Variants in PPFIA2 observed in about 807,000 individuals in gnomAD.
PPFIA2 encodes the protein liprin-alpha-2.
Under a neutral mutation model 175.5 loss-of-function variants are expected in PPFIA2, and 46 were observed. The ratio of observed to expected loss-of-function variants is 0.26; its 90% CI spans 0.21 to 0.34. The LOEUF (loss-of-function observed/expected upper bound fraction) is 0.34, where lower values mean the gene tolerates loss of function less well. Among genes scored for constraint, PPFIA2 ranks in the 10% least tolerant of loss-of-function variants. PPFIA2 has a pLI of 1.00. For synonymous variants in PPFIA2, 568 were observed against 511.4 expected (o/e 1.11, Z -1.49); for missense variants, 1,179 against 1,506.1 (o/e 0.78, Z 3.60).
At chr12:81,399,747 C>T (rs1389848574) in intron 8 of PPFIA2, among the ~76,000 whole-genome samples, 1 of 152,036 alleles carries the variant, frequency 6.6e-6, no homozygotes, top group Non-Finnish European at 1.5e-5. Context: ...TGTTTCACTG[C>T]TTGACAATTC....
chr12:81,434,657 C>T (rs145982969), intron 7 of PPFIA2, among the ~76,000 whole-genome samples: 70 of 151,964 alleles, frequency 4.6e-4, no homozygotes, highest in African/African-American at 1.6e-3. Flanking sequence ...CTGGTCTCAT[C>T]TGTAAAATAA....
At chr12:81,657,813 T>C (rs1000676716) in intron 4 of PPFIA2, among the ~76,000 whole-genome samples, 1 of 152,108 alleles carries the variant, frequency 6.6e-6, no homozygotes, top group East Asian at 1.9e-4. Context: ...TAATGCAAAT[T>C]AGTTATTTAA....
At chr12:81,588,505 C>A (rs977709974) in intron 4 of PPFIA2, among the ~76,000 whole-genome samples, 1 of 152,114 alleles carries the variant, frequency 6.6e-6, no homozygotes, top group African/African-American at 2.4e-5. Flanking sequence ...CTCAGGCAGA[C>A]CTCTTTCCTG....
chr12:81,738,666 G>A (rs1184577522), intron 3 of PPFIA2, among the ~76,000 whole-genome samples: 1 of 151,200 alleles, frequency 6.6e-6, no homozygotes, highest in Non-Finnish European at 1.5e-5. Context: ...TGGCATGAAA[G>A]GTTGATTTAA....
chr12:81,590,331 T>C (rs1053213148), intron 4 of PPFIA2, among the ~76,000 whole-genome samples: 2 of 152,124 alleles, frequency 1.3e-5, no homozygotes, highest in Non-Finnish European at 2.9e-5. Flanking sequence ...AATGGCAGAC[T>C]CTTAGGTAGC....
At chr12:81,456,570 T>C (rs1343443469) in intron 5 of PPFIA2, among the ~76,000 whole-genome samples, 2 of 152,198 alleles carry the variant, frequency 1.3e-5, no homozygotes, top group African/African-American at 2.4e-5. Context: ...CTATACCTAT[T>C]TTTTTCAGGA....
rs191847772 is a variant in PPFIA2 at position 81,322,409 on chromosome 12, G to A, written c.2642+3368C>T. 3.8e-4 allele frequency among the ~76,000 whole-genome samples: 58 copies of A among 152,128 alleles called. No homozygotes were observed. In the East Asian group the frequency reaches 9.7e-3, roughly 25 times the overall value. On this transcript the variant is annotated intron_variant, in intron 22 of 32. Coordinates refer to ENST00000549396, the MANE Select transcript of PPFIA2 (RefSeq NM_003625.5). Reference sequence around the variant, plus strand: ...GTCATGGCATCCCCAGATGAAGTCCGCATTGAATAAACTATGAAGAATTAT... The same window carrying A: ...GTCATGGCATCCCCAGATGAAGTCCACATTGAATAAACTATGAAGAATTAT...
intron 3 of PPFIA2, among the ~76,000 whole-genome samples, chr12:81,750,690 A>G (rs2083641762): frequency 6.6e-6 from 1 of 152,192 alleles, no homozygotes; most frequent in African/African-American, 2.4e-5. Flanking sequence ...TAAACAATAC[A>G]GCTATAAAAT....
intron 11 of PPFIA2, 49 bp from the exon 12 acceptor site, chr12:81,369,243 A>C (rs1267656206): frequency 6.3e-7 from 1 of 1,583,020 alleles, no homozygotes; most frequent in African/African-American, 1.3e-5. Flanking sequence ...TTTGGTTAAC[A>C]CTTTTCCTCT....
intron 23 of PPFIA2, 32 bp downstream of exon 23, chr12:81,299,269 G>A: frequency 1.3e-6 from 2 of 1,561,174 alleles, no homozygotes; most frequent in South Asian, 2.4e-5. Flanking sequence ...AGTAGTGATT[G>A]ATTCAAGGGC....
rs970300837 is a variant in PPFIA2, at chr12:81,560,262, ATG to A, written c.304-102398_304-102397del. On this transcript the variant is annotated intron_variant, in intron 4 of 32. Coordinates refer to ENST00000549396, the MANE Select transcript of PPFIA2 (RefSeq NM_003625.5). ...GGTATGTGTGTGTGTGTCTGTGTGT[ATG>A]TGTGTGTGTGAGAGAGAGAGAGAGC... is the stretch of plus-strand genomic sequence containing the variant. Among the ~76,000 whole-genome samples the A allele has an allele frequency of 5.8e-4, 87 of 150,458 alleles. 1 individual carries two copies. Among genetic ancestry groups the A allele is most frequent in the Middle Eastern group, 3.4e-3 (1 of 290 alleles).
At chr12:81,454,756 C>A (rs536580215) in intron 5 of PPFIA2, among the ~76,000 whole-genome samples, 1 of 152,214 alleles carries the variant, frequency 6.6e-6, no homozygotes, top group Admixed American at 6.5e-5. Context: ...CATATCCTAA[C>A]TACTCGATGT....
intron 3 of PPFIA2, among the ~76,000 whole-genome samples, chr12:81,709,230 A>T (rs558024870): frequency 6.6e-6 from 1 of 152,186 alleles, no homozygotes; most frequent in South Asian, 2.1e-4. Flanking sequence ...CTCCTCTCAT[A>T]AATGGCTCCT....
At chr12:81,493,621 A>G (rs765911982) in intron 4 of PPFIA2, among the ~76,000 whole-genome samples, 11 of 151,790 alleles carry the variant, frequency 7.2e-5, no homozygotes, top group Non-Finnish European at 1.5e-4. Flanking sequence ...AGAAGAGAAA[A>G]ATTGGAGATA....
intron 4 of PPFIA2, among the ~76,000 whole-genome samples, chr12:81,482,203 A>G (rs1023840870): frequency 6.6e-6 from 1 of 152,206 alleles, no homozygotes; most frequent in African/African-American, 2.4e-5. Flanking sequence ...ATCTCATGCC[A>G]GTTAGAATGG....
intron 4 of PPFIA2, among the ~76,000 whole-genome samples, chr12:81,632,005 T>C (rs988394350): frequency 3.3e-5 from 5 of 152,210 alleles, no homozygotes; most frequent in African/African-American, 1.2e-4. Flanking sequence ...CTTGGGGAAA[T>C]ATACTATGTT....
At chr12:81,524,846 G>A (rs994770720) in intron 4 of PPFIA2, among the ~76,000 whole-genome samples, 15 of 152,154 alleles carry the variant, frequency 9.9e-5, no homozygotes, top group Non-Finnish European at 2.9e-5. Context: ...ATTAAGAAAT[G>A]AAGCCTTTGT....
intron 4 of PPFIA2, among the ~76,000 whole-genome samples, chr12:81,561,819 A>G (rs1338886504): frequency 6.6e-6 from 1 of 152,152 alleles, no homozygotes; most frequent in African/African-American, 2.4e-5. Flanking sequence ...AAACTTTACC[A>G]TATGTTCTTA....
At chr12:81,664,221 G>T (rs1429825730) in intron 4 of PPFIA2, among the ~76,000 whole-genome samples, 1 of 152,090 alleles carries the variant, frequency 6.6e-6, no homozygotes, top group African/African-American at 2.4e-5. Context: ...CTTCTGCACA[G>T]CAAAAGAAAC....
Sources: gnomAD v4.1 joint callset for allele counts (sites outside exome capture counted in the v4.1 genomes callset) on GRCh38, gnomAD v4.1.1 for gene constraint, MANE v1.5 for transcripts, NCBI Gene and HGNC (gene_info 2026-07-23, HGNC 2026-07-21) for gene names.